PRR16: variants seen among roughly 807,000 people sequenced by gnomAD.
PRR16 encodes the protein protein Largen.
PRR16 carries 6 observed loss-of-function variants against 18.2 expected under a neutral mutation model. That is an observed-to-expected ratio of 0.33 (90% CI 0.18 to 0.65). The LOEUF (loss-of-function observed/expected upper bound fraction) is 0.65, where lower values mean the gene tolerates loss of function less well. PRR16 is among the 30% of genes least tolerant of loss of function. PRR16 has a pLI of 0.74. For synonymous variants in PRR16, 151 were observed against 147.8 expected (o/e 1.02, Z -0.16); for missense variants, 412 against 376.6 (o/e 1.09, Z -0.78).
At chr5:120,683,225 TAAACACAACAG>T (rs1270680375) in intron 1 of PRR16, among the ~76,000 whole-genome samples, 1 of 152,166 alleles carries the variant, frequency 6.6e-6, no homozygotes, top group East Asian at 1.9e-4. Flanking sequence ...GGTTGGTTGT[TAAACACAACAG>T]TTACTAAAAG....
At chr5:120,719,517 GAT>G in the PRR16 span, among the ~76,000 whole-genome samples, 4 of 152,156 alleles carry the variant, frequency 2.6e-5, no homozygotes, top group South Asian at 6.2e-4. Context: ...AGGACAGAGA[GAT>G]ATGAGATTCT....
chr5:120,780,002 C>A, the PRR16 span, among the ~76,000 whole-genome samples: 103 of 152,260 alleles, frequency 6.8e-4, no homozygotes, highest in African/African-American at 2.3e-3. Context: ...ATGAACATTG[C>A]ATATTCATTT....
At chr5:120,701,537 G>T in the PRR16 span, among the ~76,000 whole-genome samples, 4 of 152,160 alleles carry the variant, frequency 2.6e-5, no homozygotes, top group Admixed American at 2.6e-4. Flanking sequence ...GTCACGGAAC[G>T]AAACTGAAAG....
the PRR16 span, among the ~76,000 whole-genome samples, chr5:120,709,913 G>A: frequency 6.6e-6 from 1 of 151,992 alleles, no homozygotes; most frequent in Admixed American, 6.6e-5. Flanking sequence ...TCCATATCTT[G>A]GATATTGTGA....
chr5:120,736,541 T>C, the PRR16 span, among the ~76,000 whole-genome samples: 9 of 142,214 alleles, frequency 6.3e-5, no homozygotes, highest in East Asian at 1.8e-3. Flanking sequence ...TAAAGGCTTT[T>C]TTTTTTTTTT....
chr5:120,691,227 C>G (rs1029729469), downstream of PRR16, among the ~76,000 whole-genome samples: 1 of 152,148 alleles, frequency 6.6e-6, no homozygotes, highest in African/African-American at 2.4e-5. Context: ...AATATCGCCA[C>G]TTAATTGTGT....
At chr5:120,611,249 A>G (rs1320219750) in intron 1 of PRR16, among the ~76,000 whole-genome samples, 1 of 152,172 alleles carries the variant, frequency 6.6e-6, no homozygotes, top group Admixed American at 6.5e-5. Flanking sequence ...TAAAGTTTGG[A>G]CAGTTTGCAG....
At position 120,686,037 on chromosome 5, in the gene PRR16, T is replaced by C. The variant is rs1343291930; in HGVS notation, c.243T>C (p.Asn81=). Residue 81 remains asparagine (N), a synonymous_variant, in exon 2 of 2, where the codon AAT becomes AAC. Transcript: ENST00000407149. ...MTDSSKTDTL[N]SSSSGTTASS... is the part of the protein sequence containing the mutation. ...ACAGCTCCAAAACGGACACGCTGAA[T>C]AGTAGCTCAAGTGGCACAACAGCCT... 6 of 1,613,962 alleles carry C rather than the reference T, an allele frequency of 3.7e-6. No homozygotes were observed. Among genetic ancestry groups the C allele is most frequent in the Non-Finnish European group, 4.2e-6 (5 of 1,180,018 alleles).
chr5:120,512,125 T>C (rs1221616376), intron 1 of PRR16, among the ~76,000 whole-genome samples: 1 of 80,246 alleles, frequency 1.2e-5, no homozygotes, highest in Non-Finnish European at 2.5e-5. Context: ...ATTTCAGCAG[T>C]GCCCTAGATT....
rs1027573757 is a variant in PRR16, at chr5:120,578,021, C to A, written c.160-107933C>A. On this transcript the variant is annotated intron_variant, in intron 1 of 1. Coordinates refer to ENST00000407149, the MANE Select transcript of PRR16 (RefSeq NM_001300783.2). The stretch of plus-strand genomic sequence containing the variant: ...AAATATAATGAAAAGAAAGAGAAAG[C>A]AAGGATAAGAAAAAGAATTAATTTA... 2.7e-4 allele frequency among the ~76,000 whole-genome samples: 41 copies of A among 151,850 alleles called. 1 individual carries two copies. Among genetic ancestry groups the A allele is most frequent in the Admixed American group, 2.2e-3 (34 of 15,226 alleles).
At chr5:120,569,491 T>G (rs1752838296) in intron 1 of PRR16, among the ~76,000 whole-genome samples, 1 of 152,156 alleles carries the variant, frequency 6.6e-6, no homozygotes, top group Non-Finnish European at 1.5e-5. Context: ...TGCAGTGTGT[T>G]TATTTAATAA....
the PRR16 span, among the ~76,000 whole-genome samples, chr5:120,791,620 T>TATCTATCTATCTATCTATCC: frequency 1.8e-4 from 24 of 136,396 alleles, no homozygotes; most frequent in Non-Finnish European, 2.7e-4. Flanking sequence ...TCTATCTATC[T>TATCTATCTATCTATCTATCC]ATCCATCCAT....
the PRR16 span, chr5:120,781,168 C>T: frequency 1.3e-5 from 2 of 151,922 alleles, no homozygotes; most frequent in Non-Finnish European, 1.5e-5. Flanking sequence ...TGATATTCTA[C>T]ATGGGCATAT....
the PRR16 span, among the ~76,000 whole-genome samples, chr5:120,748,076 G>C: frequency 4.6e-5 from 7 of 151,960 alleles, no homozygotes; most frequent in East Asian, 9.6e-4. Flanking sequence ...CTCTATTTGG[G>C]AGTCCCTCTG....
chr5:120,703,648 A>G, the PRR16 span, among the ~76,000 whole-genome samples: 10 of 152,100 alleles, frequency 6.6e-5, 1 homozygote, highest in Admixed American at 1.3e-4. Context: ...GGCTTTGTCT[A>G]TTGCTTTTAT....
chr5:120,592,252 T>C (rs1753661514), intron 1 of PRR16, among the ~76,000 whole-genome samples: 1 of 152,174 alleles, frequency 6.6e-6, no homozygotes. Context: ...AATTTCAGAT[T>C]AAAATACTCG....
At chr5:120,752,107 C>A in the PRR16 span, among the ~76,000 whole-genome samples, 2 of 152,036 alleles carry the variant, frequency 1.3e-5, no homozygotes, top group Non-Finnish European at 2.9e-5. Context: ...CAGTCATACA[C>A]AGTTATACAT....
chr5:120,781,067 A>G, the PRR16 span, among the ~76,000 whole-genome samples: 8 of 152,164 alleles, frequency 5.3e-5, no homozygotes, highest in African/African-American at 1.7e-4. Context: ...CTATGTATCT[A>G]TCTAATTTTC....
At chr5:120,583,019 G>A (rs1205853424) in intron 1 of PRR16, among the ~76,000 whole-genome samples, 1 of 152,210 alleles carries the variant, frequency 6.6e-6, no homozygotes, top group East Asian at 1.9e-4. Flanking sequence ...TGATGGTGGG[G>A]CCCTGCTGTG....
Sources: gnomAD v4.1 joint callset for allele counts (sites outside exome capture counted in the v4.1 genomes callset) on GRCh38, gnomAD v4.1.1 for gene constraint, MANE v1.5 for transcripts, NCBI Gene and HGNC (gene_info 2026-07-23, HGNC 2026-07-21) for gene names.